Variants in NUTF2 observed in about 807,000 individuals in gnomAD.
NUTF2 encodes the protein nuclear transport factor 2.
Under a neutral mutation model 18.5 loss-of-function variants are expected in NUTF2, and 3 were observed. The ratio of observed to expected loss-of-function variants is 0.16; its 90% CI spans 0.07 to 0.42. The LOEUF (loss-of-function observed/expected upper bound fraction) is 0.42. Among genes scored for constraint, NUTF2 ranks in the 10% least tolerant of loss-of-function variants. The probability of loss-of-function intolerance (pLI) is 0.99; values close to 1 mark genes in which losing one functional copy is unlikely to be tolerated. For missense variants in NUTF2, 44 were observed against 160.7 expected, an observed-to-expected ratio of 0.27 and a Z score of 3.93; for synonymous variants, 51 against 57.9, an observed-to-expected ratio of 0.88 and a Z score of 0.54.
At chr16:67,870,758 T>C (rs1405494484) in intron 4 of NUTF2, 42 bp from the exon 5 acceptor site, 1 of 1,511,132 alleles carries the variant, frequency 6.6e-7, no homozygotes, top group Non-Finnish European at 9.2e-7. Flanking sequence ...TCCCTTCCTG[T>C]TTCTTGATCC....
intron 1 of NUTF2, among the ~76,000 whole-genome samples, chr16:67,850,262 T>C (rs2057843318): frequency 6.6e-6 from 1 of 150,700 alleles, no homozygotes; most frequent in Non-Finnish European, 1.5e-5. Context: ...TGGAGTGCAG[T>C]GGCGCGATCT....
intron 1 of NUTF2, among the ~76,000 whole-genome samples, chr16:67,850,626 G>GC (rs2057847599): frequency 6.6e-6 from 1 of 152,160 alleles, no homozygotes; most frequent in African/African-American, 2.4e-5. Flanking sequence ...AAGAGAAGTG[G>GC]CCTGAGGTTC....
chr16:67,850,461 C>G (rs2057845671), intron 1 of NUTF2, among the ~76,000 whole-genome samples: 1 of 152,128 alleles, frequency 6.6e-6, no homozygotes, highest in Non-Finnish European at 1.5e-5. Context: ...CCGCCTTGGC[C>G]TCCCAAAGTG....
chr16:67,857,928 ACTC>A (rs1321922609), intron 1 of NUTF2, among the ~76,000 whole-genome samples: 3 of 151,914 alleles, frequency 2.0e-5, no homozygotes, highest in African/African-American at 7.3e-5. Context: ...CCCAGAACTT[ACTC>A]CTCCTCCAGA....
rs1208303500 is a variant in NUTF2, at chr16:67,871,162, CTT to C, written c.*270_*271del. ...GACTTAAGTAATGCAAAAGGTTGTC[CTT>C]TTTTTTTTTTTTTTTTTTTTAATCT... On this transcript the variant is annotated 3_prime_UTR_variant, in exon 5 of 5. Coordinates refer to ENST00000219169, the MANE Select transcript of NUTF2 (RefSeq NM_005796.3). 0.028 allele frequency: 4,162 copies of C among 150,290 alleles called. 2 individuals carry two copies. The highest frequency in any genetic ancestry group is 0.077 in the Middle Eastern group (29 of 376). The allele number at this position is 150,290 out of a possible 1,614,324, so 9.3% of individuals were successfully genotyped here.
chr16:67,857,657 A>G (rs1227472840), intron 1 of NUTF2, among the ~76,000 whole-genome samples: 2 of 152,220 alleles, frequency 1.3e-5, no homozygotes. Context: ...TAATGATGGG[A>G]CAGAGTCAAA....
intron 2 of NUTF2, among the ~76,000 whole-genome samples, chr16:67,867,745 G>T (rs1473130490): frequency 6.6e-6 from 1 of 152,128 alleles, no homozygotes; most frequent in African/African-American, 2.4e-5. Context: ...GGAGTGCAGT[G>T]GTGCGATTTC....
At chr16:67,847,030 G>A (rs1231330155) in intron 1 of NUTF2, 45 bp downstream of exon 1, 13 of 151,794 alleles carry the variant, frequency 8.6e-5, no homozygotes, top group Admixed American at 8.5e-4. Context: ...TGGGCCGCAG[G>A]AGCCGCTCTC....
At chr16:67,847,100 G>T (rs1277681236) in intron 1 of NUTF2, 115 bp downstream of exon 1, 4 of 123,204 alleles carry the variant, frequency 3.2e-5, no homozygotes, top group African/African-American at 1.2e-4. Flanking sequence ...CCCCCCCCCC[G>T]GCGGCCCGAA....
At chr16:67,859,794 CCTTTTT>C (rs2057922679) in intron 1 of NUTF2, among the ~76,000 whole-genome samples, 1 of 120,008 alleles carries the variant, frequency 8.3e-6, no homozygotes, top group African/African-American at 3.1e-5. Context: ...CTGCGCCAGG[CCTTTTT>C]TTTTTTTTTT....
intron 2 of NUTF2, among the ~76,000 whole-genome samples, chr16:67,867,031 A>C (rs2057978132): frequency 6.7e-6 from 1 of 149,444 alleles, no homozygotes; most frequent in Non-Finnish European, 1.5e-5. Context: ...GAGTGCATTC[A>C]TGCGATTTTG....
intron 1 of NUTF2, among the ~76,000 whole-genome samples, chr16:67,850,420 A>G (rs1177027499): frequency 6.6e-6 from 1 of 151,360 alleles, no homozygotes; most frequent in Non-Finnish European, 1.5e-5. Flanking sequence ...GTCAGCCAGG[A>G]TGGTCTCGAT....
At position 67,871,039 on chromosome 16, in the gene NUTF2, G is replaced by A; in HGVS notation, c.*126G>A. 1.5e-6 allele frequency: 1 copy of A among 667,898 alleles called. No individual in the cohort carries two copies. The highest frequency in any genetic ancestry group is 1.9e-5 in the South Asian group (1 of 53,130). The allele number at this position is 667,898 out of a possible 1,614,324, so 41.4% of individuals were successfully genotyped here. On this transcript the variant is annotated 3_prime_UTR_variant, in exon 5 of 5. Transcript: ENST00000219169. ...GGGCCGCGGTGGGAGTGGGCGCAGT[G>A]CGCTGCTGCCACTGAGGTGTTGTGC...
chr16:67,857,887 G>A (rs536593995), intron 1 of NUTF2, among the ~76,000 whole-genome samples: 1 of 152,342 alleles, frequency 6.6e-6, no homozygotes, highest in African/African-American at 2.4e-5. Flanking sequence ...TGGAGGGGAA[G>A]TGGGTCAGTA....
At chr16:67,868,630 G>T (rs1286386943) in intron 4 of NUTF2, 31 bp downstream of exon 4, 1 of 1,597,006 alleles carries the variant, frequency 6.3e-7, no homozygotes, top group Non-Finnish European at 8.6e-7. Context: ...GTAGGGAGGG[G>T]TGGGCAGGCA....
chr16:67,855,677 A>C (rs2057890855), intron 1 of NUTF2, among the ~76,000 whole-genome samples: 1 of 152,128 alleles, frequency 6.6e-6, no homozygotes, highest in Non-Finnish European at 1.5e-5. Flanking sequence ...CTGCCCCAGG[A>C]AAGAGCTCTG....
At chr16:67,855,822 C>T in intron 1 of NUTF2, 1 of 353,834 alleles carries the variant, frequency 2.8e-6, no homozygotes, top group Non-Finnish European at 5.2e-6. Flanking sequence ...CTCCATGGAG[C>T]TTGCTGATTT....
intron 1 of NUTF2, among the ~76,000 whole-genome samples, chr16:67,857,022 C>T (rs1328696067): frequency 3.3e-5 from 5 of 152,214 alleles, no homozygotes; most frequent in Admixed American, 6.5e-5. Flanking sequence ...ACTCTGTGGA[C>T]GCCATGGTCA....
At chr16:67,857,192 G>A (rs1034703419) in intron 1 of NUTF2, among the ~76,000 whole-genome samples, 15 of 152,224 alleles carry the variant, frequency 9.9e-5, no homozygotes, top group African/African-American at 3.4e-4. Flanking sequence ...ACAGATGGGA[G>A]CTGTGTAGAA....
Sources: gnomAD v4.1 joint callset for allele counts (sites outside exome capture counted in the v4.1 genomes callset) on GRCh38, gnomAD v4.1.1 for gene constraint, MANE v1.5 for transcripts, NCBI Gene and HGNC (gene_info 2026-07-23, HGNC 2026-07-21) for gene names.